MARCHF3: variants seen among roughly 807,000 people sequenced by gnomAD.
The protein encoded by MARCHF3 is membrane associated ring-CH-type finger 3.
In MARCHF3, 13 loss-of-function variants were observed where a neutral mutation model predicts 24.2. The ratio of observed to expected loss-of-function variants is 0.54; its 90% CI spans 0.35 to 0.85. The LOEUF is 0.85. Ranked by LOEUF, MARCHF3 falls within the 40% of genes least tolerant of loss-of-function variation. MARCHF3 has a pLI of 0.01. For missense variants in MARCHF3, 276 were observed against 325.0 expected (o/e 0.85, Z 1.16); for synonymous variants, 144 against 137.3 (o/e 1.05, Z -0.34).
intron 1 of MARCHF3, among the ~76,000 whole-genome samples, chr5:127,025,308 T>TAAA (rs56148099): frequency 7.5e-6 from 1 of 133,760 alleles, no homozygotes. Flanking sequence ...AAAAAGTTAT[T>TAAA]AAAAAAAAAA....
At chr5:126,892,821 A>C (rs1753743514) in intron 3 of MARCHF3, among the ~76,000 whole-genome samples, 1 of 150,746 alleles carries the variant, frequency 6.6e-6, no homozygotes, top group Non-Finnish European at 1.5e-5. Flanking sequence ...GTTAGGGAGG[A>C]TTCCCTCTTT....
At chr5:126,881,706 G>T (rs977692879) in intron 3 of MARCHF3, among the ~76,000 whole-genome samples, 3 of 151,864 alleles carry the variant, frequency 2.0e-5, no homozygotes, top group African/African-American at 7.3e-5. Flanking sequence ...AAGACAGGGG[G>T]CCACCTAGCA....
chr5:126,907,950 G>A (rs539236736), intron 3 of MARCHF3, among the ~76,000 whole-genome samples: 139 of 152,080 alleles, frequency 9.1e-4, no homozygotes, highest in African/African-American at 2.8e-3. Flanking sequence ...ATTTTGCAGC[G>A]GCTGGTACCG....
At chr5:127,026,119 T>C (rs1163240832) in intron 1 of MARCHF3, among the ~76,000 whole-genome samples, 1 of 151,908 alleles carries the variant, frequency 6.6e-6, no homozygotes, top group Non-Finnish European at 1.5e-5. Flanking sequence ...AAAGTTATAA[T>C]AGAATTGTTG....
intron 3 of MARCHF3, among the ~76,000 whole-genome samples, chr5:126,898,188 G>A (rs1033673797): frequency 1.3e-5 from 2 of 152,014 alleles, no homozygotes; most frequent in Non-Finnish European, 2.9e-5. Flanking sequence ...ACTTTAAATG[G>A]TGAATTGTAT....
chr5:127,024,353 G>C (rs1410359454), intron 1 of MARCHF3, among the ~76,000 whole-genome samples: 4 of 152,104 alleles, frequency 2.6e-5, no homozygotes, highest in Non-Finnish European at 5.9e-5. Flanking sequence ...GTAGCCTCTA[G>C]CACACCCAGC....
intron 3 of MARCHF3, 124 bp downstream of exon 3, chr5:126,914,806 A>ACACACACG (rs1261079253): frequency 3.6e-6 from 3 of 837,524 alleles, no homozygotes; most frequent in Non-Finnish European, 5.8e-6. Context: ...ACACACACAC[A>ACACACACG]CACACAGTCA....
intron 3 of MARCHF3, among the ~76,000 whole-genome samples, chr5:126,902,618 A>G (rs1754145877): frequency 6.6e-6 from 1 of 152,154 alleles, no homozygotes; most frequent in South Asian, 2.1e-4. Context: ...GCTCACTTCC[A>G]TCTGGCACGG....
At chr5:126,927,594 C>A (rs368262932) in intron 1 of MARCHF3, among the ~76,000 whole-genome samples, 4 of 152,182 alleles carry the variant, frequency 2.6e-5, no homozygotes, top group Admixed American at 6.5e-5. Context: ...CTCTTCCACA[C>A]CCCCACCTGT....
intron 1 of MARCHF3, among the ~76,000 whole-genome samples, chr5:126,928,543 T>C (rs1171229198): frequency 6.6e-6 from 1 of 152,202 alleles, no homozygotes; most frequent in Non-Finnish European, 1.5e-5. Context: ...AGGTCCTATC[T>C]TGCTTCTAGG....
chr5:126,889,582 A>T (rs1753611038), intron 3 of MARCHF3, among the ~76,000 whole-genome samples: 2 of 152,148 alleles, frequency 1.3e-5, no homozygotes, highest in African/African-American at 2.4e-5. Flanking sequence ...GTAAGCAAGA[A>T]TGGGAACACT....
At chr5:126,970,474 C>CTTT (rs528502923) in intron 1 of MARCHF3, among the ~76,000 whole-genome samples, 2 of 145,214 alleles carry the variant, frequency 1.4e-5, no homozygotes, top group Non-Finnish European at 3.0e-5. Context: ...TACTTTTTTT[C>CTTT]TTTTTTTTTT....
rs1752849791 is a variant in MARCHF3, at chr5:126,868,688, A to G, written c.*1945T>C. On this transcript the variant is annotated 3_prime_UTR_variant, in exon 5 of 5. Transcript: ENST00000308660. Reference sequence around the variant, plus strand: ...ATGGTCCTCTCATGAATGTTGTGCCATTCAGTTGAGACGTGTCACGGGTTC... The same window carrying G: ...ATGGTCCTCTCATGAATGTTGTGCCGTTCAGTTGAGACGTGTCACGGGTTC... 6.6e-6 allele frequency: 1 copy of G among 152,250 alleles called. No homozygotes were observed. The highest frequency in any genetic ancestry group is 2.1e-4 in the South Asian group (1 of 4,836). The allele number at this position is 152,250 out of a possible 1,614,324, so 9.4% of individuals were successfully genotyped here.
rs1330045431 is a variant in MARCHF3, at chr5:127,025,898, A to ACC, written c.-57+4451_-57+4452insGG. On this transcript the variant is annotated intron_variant, in intron 1 of 4. Transcript: ENST00000308660. ...CAAAAAGCTAAAGTGAAGGTTGGGAACTTAAGGGGGCATTTCGGAGGAGAA... is the reference window on the plus strand; with the variant it reads ...CAAAAAGCTAAAGTGAAGGTTGGGAACCCTTAAGGGGGCATTTCGGAGGAGAA... Among the ~76,000 whole-genome samples, 239 of 152,300 alleles carry ACC rather than the reference A, an allele frequency of 1.6e-3. 7 individuals are homozygous for ACC. The East Asian group carries it at 0.039, about 25-fold the overall frequency.
At chr5:127,000,153 T>C (rs1366152980) in intron 1 of MARCHF3, among the ~76,000 whole-genome samples, 2 of 152,006 alleles carry the variant, frequency 1.3e-5, no homozygotes, top group Non-Finnish European at 2.9e-5. Context: ...CCAACCTTCG[T>C]TTGCTATCTC....
intron 1 of MARCHF3, among the ~76,000 whole-genome samples, chr5:127,021,392 T>A (rs2108459): frequency 0.55 from 83,556 of 151,520 alleles, 23,761 homozygotes; most frequent in East Asian, 0.79. Flanking sequence ...CTACAAGAAA[T>A]TTTTAGAATT....
chr5:126,898,202 A>G (rs1427543029), intron 3 of MARCHF3, among the ~76,000 whole-genome samples: 1 of 152,140 alleles, frequency 6.6e-6, no homozygotes, highest in African/African-American at 2.4e-5. Context: ...ATTGTATGGT[A>G]TGGTATGTGA....
intron 1 of MARCHF3, among the ~76,000 whole-genome samples, chr5:127,014,052 G>T (rs907390646): frequency 2.0e-5 from 3 of 151,816 alleles, no homozygotes; most frequent in Non-Finnish European, 4.4e-5. Context: ...TAAGTAAATG[G>T]GATTACATAA....
At chr5:127,008,118 T>TA (rs1179938453) in intron 1 of MARCHF3, among the ~76,000 whole-genome samples, 3 of 151,938 alleles carry the variant, frequency 2.0e-5, no homozygotes, top group South Asian at 2.1e-4. Context: ...TCTTTGGGTA[T>TA]AAAAAAAATG....
Sources: allele counts gnomAD v4.1 joint callset (sites outside exome capture counted in the v4.1 genomes callset), GRCh38; gene constraint gnomAD v4.1.1; transcripts MANE v1.5; gene names NCBI Gene and HGNC (gene_info 2026-07-23, HGNC 2026-07-21).